The following ARHGAP26 variants were observed in gnomAD, a reference collection of about 807,000 sequenced individuals.
ARHGAP26 encodes rho GTPase-activating protein 26.
A neutral mutation model predicts 104.8 loss-of-function variants in ARHGAP26; 38 were observed. That is an observed-to-expected ratio of 0.36 (90% CI 0.28 to 0.48). The LOEUF (loss-of-function observed/expected upper bound fraction) is 0.48, where lower values mean the gene tolerates loss of function less well. Ranked by LOEUF, ARHGAP26 falls within the 20% of genes least tolerant of loss-of-function variation. ARHGAP26 has a pLI of 0.99. For synonymous variants in ARHGAP26, 341 were observed against 340.0 expected (o/e 1.00, Z -0.03); for missense variants, 704 against 947.9 (o/e 0.74, Z 3.38).
At chr5:142,996,282 G>A (rs1673978274) in intron 11 of ARHGAP26, among the ~76,000 whole-genome samples, 1 of 152,178 alleles carries the variant, frequency 6.6e-6, no homozygotes, top group African/African-American at 2.4e-5. Context: ...TCACCTGTCA[G>A]AAGTTTGAGA....
intron 1 of ARHGAP26, among the ~76,000 whole-genome samples, chr5:142,828,534 T>TC: frequency 6.6e-6 from 1 of 152,244 alleles, no homozygotes. Context: ...ATTATTCTTT[T>TC]CCCCCTAAGG....
intron 17 of ARHGAP26, among the ~76,000 whole-genome samples, chr5:143,059,738 G>T (rs1053688990): frequency 2.6e-5 from 4 of 152,074 alleles, no homozygotes; most frequent in Non-Finnish European, 4.4e-5. Context: ...CTTGATCATT[G>T]TCTTATCTGT....
intron 17 of ARHGAP26, among the ~76,000 whole-genome samples, chr5:143,113,374 A>G (rs868298831): frequency 1.1e-4 from 17 of 152,332 alleles, no homozygotes; most frequent in Middle Eastern, 3.4e-3. Context: ...TTTCCCCAGA[A>G]GCAGAGAACA....
At chr5:143,044,320 G>C (rs1174941902) in intron 14 of ARHGAP26, among the ~76,000 whole-genome samples, 1 of 152,090 alleles carries the variant, frequency 6.6e-6, no homozygotes, top group Admixed American at 6.5e-5. Flanking sequence ...GGCTTCTCAT[G>C]TTCTCTGACC....
chr5:143,018,555 T>A (rs1779892265), intron 12 of ARHGAP26, among the ~76,000 whole-genome samples: 1 of 152,232 alleles, frequency 6.6e-6, no homozygotes, highest in African/African-American at 2.4e-5. Flanking sequence ...ATTTTTATCC[T>A]TGGGAAGAGT....
At chr5:142,923,445 A>G (rs1403146524) in intron 10 of ARHGAP26, among the ~76,000 whole-genome samples, 1 of 152,224 alleles carries the variant, frequency 6.6e-6, no homozygotes, top group Non-Finnish European at 1.5e-5. Context: ...AACAGAAGCT[A>G]TATTTTCATA....
intron 18 of ARHGAP26, among the ~76,000 whole-genome samples, chr5:143,133,540 T>G (rs1270683949): frequency 6.6e-6 from 1 of 152,188 alleles, no homozygotes; most frequent in Non-Finnish European, 1.5e-5. Flanking sequence ...TTAAGAAAGT[T>G]GTGAAGTAAT....
At chr5:143,208,739 C>T (rs972241725) in intron 21 of ARHGAP26, among the ~76,000 whole-genome samples, 14 of 152,204 alleles carry the variant, frequency 9.2e-5, no homozygotes, top group African/African-American at 3.4e-4. Context: ...CAGCCCAGAG[C>T]CTGACTTGCT....
At chr5:142,870,706 G>A (rs919020430) in intron 1 of ARHGAP26, among the ~76,000 whole-genome samples, 32 of 152,296 alleles carry the variant, frequency 2.1e-4, no homozygotes, top group Admixed American at 3.9e-4. Context: ...CCTAACCCAC[G>A]GGCTGACAGC....
intron 11 of ARHGAP26, among the ~76,000 whole-genome samples, chr5:142,963,192 ATATATATG>A (rs1284862252): frequency 4.8e-5 from 5 of 104,424 alleles, no homozygotes; most frequent in Non-Finnish European, 8.3e-5. Flanking sequence ...ATATATATAT[ATATATATG>A]TGTGTGTGTG....
intron 11 of ARHGAP26, among the ~76,000 whole-genome samples, chr5:142,974,675 C>T (rs1035375637): frequency 5.3e-5 from 8 of 152,186 alleles, no homozygotes; most frequent in African/African-American, 1.7e-4. Flanking sequence ...GCTCCGCTCC[C>T]GCCTGAGCTT....
intron 12 of ARHGAP26, among the ~76,000 whole-genome samples, chr5:143,017,077 G>C (rs759755583): frequency 1.3e-5 from 2 of 152,190 alleles, no homozygotes; most frequent in Non-Finnish European, 2.9e-5. Flanking sequence ...TTAAGAGTGA[G>C]ACACTGCTCT....
chr5:143,008,258 G>A (rs1778260336), intron 11 of ARHGAP26, among the ~76,000 whole-genome samples: 1 of 152,216 alleles, frequency 6.6e-6, no homozygotes. Flanking sequence ...GTCTAGGGAT[G>A]ATAACTGATG....
At chr5:143,093,504 CTCTT>C (rs915572330) in intron 17 of ARHGAP26, among the ~76,000 whole-genome samples, 11 of 151,990 alleles carry the variant, frequency 7.2e-5, no homozygotes, top group Non-Finnish European at 1.0e-4. Context: ...CTATCTCTCT[CTCTT>C]TCTTTCTCTC....
At chr5:142,927,515 A>T (rs765668585) in intron 10 of ARHGAP26, among the ~76,000 whole-genome samples, 60 of 152,178 alleles carry the variant, frequency 3.9e-4, no homozygotes, top group Non-Finnish European at 6.5e-4. Context: ...CTCTTTTTTT[A>T]AAAAAATTGT....
intron 1 of ARHGAP26, among the ~76,000 whole-genome samples, chr5:142,825,030 T>C (rs943338798): frequency 1.3e-5 from 2 of 152,220 alleles, no homozygotes; most frequent in African/African-American, 2.4e-5. Flanking sequence ...GTCTCCTATA[T>C]GTAAGAACAA....
chr5:143,008,964 G>A (rs541132042), intron 11 of ARHGAP26, among the ~76,000 whole-genome samples: 10 of 152,268 alleles, frequency 6.6e-5, no homozygotes, highest in South Asian at 2.1e-4. Context: ...GGAAGCATAT[G>A]AAGGCTTTCC....
At chr5:142,970,209 TA>T (rs1332844417) in intron 11 of ARHGAP26, among the ~76,000 whole-genome samples, 1 of 152,200 alleles carries the variant, frequency 6.6e-6, no homozygotes, top group Non-Finnish European at 1.5e-5. Context: ...TCTGCTAGAT[TA>T]CAGGAATAGA....
chr5:142,847,549 G>T (rs1487067499), intron 1 of ARHGAP26, among the ~76,000 whole-genome samples: 2 of 152,148 alleles, frequency 1.3e-5, no homozygotes, highest in Admixed American at 6.5e-5. Flanking sequence ...TAGAGACGGG[G>T]TTTCTCCATG....
Sources: allele counts gnomAD v4.1 joint callset (sites outside exome capture counted in the v4.1 genomes callset), GRCh38; gene constraint gnomAD v4.1.1; transcripts MANE v1.5; gene names NCBI Gene and HGNC (gene_info 2026-07-23, HGNC 2026-07-21).